Variants in AFF3 observed in about 807,000 individuals in gnomAD.
The protein encoded by AFF3 is AF4/FMR2 family member 3.
In AFF3, 32 loss-of-function variants were observed where a neutral mutation model predicts 129.7. That is an observed-to-expected ratio of 0.25 (90% CI 0.19 to 0.33). The LOEUF is 0.33. Among genes scored for constraint, AFF3 ranks in the 10% least tolerant of loss-of-function variants. The probability of loss-of-function intolerance (pLI) is 1.00; values close to 1 mark genes in which losing one functional copy is unlikely to be tolerated. For missense variants in AFF3, 1,373 were observed against 1,592.0 expected (o/e 0.86, Z 2.34); for synonymous variants, 644 against 635.4 (o/e 1.01, Z -0.20).
chr2:99,819,516 C>T (rs1388697384), intron 8 of AFF3, among the ~76,000 whole-genome samples: 2 of 152,184 alleles, frequency 1.3e-5, no homozygotes, highest in Non-Finnish European at 2.9e-5. Context: ...CCTTCAATCT[C>T]AGATTTACAA....
chr2:99,548,901 T>A lies in AFF3; in HGVS notation c.*2573A>T, dbSNP rs1674217509. On this transcript the variant is annotated 3_prime_UTR_variant, in exon 25 of 25. Coordinates refer to ENST00000672756, the MANE Select transcript of AFF3 (RefSeq NM_001386135.1). The stretch of plus-strand genomic sequence containing the variant: ...CTGCTGTACCAACGTGCTCCACACG[T>A]GCTCCACAGATGAAACAAGACAGTC... The A allele has an allele frequency of 4.3e-6, 1 of 232,578 alleles. No individual in the cohort carries two copies. 14.4% of individuals were successfully genotyped at this position (232,578 alleles called of 1,614,324 possible).
chr2:99,937,875 G>C (rs957935349), intron 7 of AFF3, among the ~76,000 whole-genome samples: 2 of 152,174 alleles, frequency 1.3e-5, no homozygotes, highest in Admixed American at 6.5e-5. Context: ...TAAGGAAAAG[G>C]TTATAAAAAC....
intron 13 of AFF3, among the ~76,000 whole-genome samples, chr2:99,607,767 T>A (rs1427816167): frequency 6.6e-6 from 1 of 152,224 alleles, no homozygotes; most frequent in Non-Finnish European, 1.5e-5. Flanking sequence ...ATTGACTGAA[T>A]AACAATGTTT....
chr2:99,767,876 C>T (rs1342013095), intron 8 of AFF3, among the ~76,000 whole-genome samples: 1 of 152,148 alleles, frequency 6.6e-6, no homozygotes, highest in Non-Finnish European at 1.5e-5. Context: ...ACCCGGGAGG[C>T]GGAGCTTGCA....
chr2:99,947,653 T>TAGAG (rs1432410613), intron 7 of AFF3, among the ~76,000 whole-genome samples: 1 of 123,192 alleles, frequency 8.1e-6, no homozygotes, highest in Non-Finnish European at 1.8e-5. Flanking sequence ...GATAGATAGA[T>TAGAG]AGACAGACAG....
intron 8 of AFF3, among the ~76,000 whole-genome samples, chr2:99,823,427 T>A (rs531469523): frequency 5.3e-5 from 8 of 152,304 alleles, no homozygotes; most frequent in African/African-American, 1.9e-4. Flanking sequence ...AATGTTAAGG[T>A]AATTAGCATA....
intron 7 of AFF3, among the ~76,000 whole-genome samples, chr2:99,977,982 G>A (rs566842746): frequency 2.0e-5 from 3 of 152,172 alleles, no homozygotes; most frequent in African/African-American, 4.8e-5. Context: ...GAAGAGCTCA[G>A]CTGAAACCTG....
In AFF3 at chr2:99,732,347, CAAAAAAA is replaced by C. The variant is rs35379808; in HGVS notation, c.1040-5226_1040-5220del. On this transcript the variant is annotated intron_variant, in intron 10 of 24. Coordinates refer to ENST00000672756, the MANE Select transcript of AFF3 (RefSeq NM_001386135.1). ...TGGGCAACAGAGCGAGACTCTGTCTCAAAAAAAAAAAAAAAAAGAATTGTGTGTTAAT... is the reference window on the plus strand; with the variant it reads ...TGGGCAACAGAGCGAGACTCTGTCTCAAAAAAAAAAGAATTGTGTGTTAAT... Among the ~76,000 whole-genome samples, 7 of 74,918 alleles carry C rather than the reference CAAAAAAA, an allele frequency of 9.3e-5. No homozygotes were observed. The East Asian group carries it at 3.4e-3, about 36-fold the overall frequency. 49.1% of individuals were successfully genotyped at this position (74,918 alleles called of 152,430 possible).
chr2:99,754,925 A>T (rs1472306827), intron 8 of AFF3, among the ~76,000 whole-genome samples: 1 of 152,216 alleles, frequency 6.6e-6, no homozygotes, highest in Non-Finnish European at 1.5e-5. Flanking sequence ...AAGTTAGGGT[A>T]TCGGCTCTGG....
intron 7 of AFF3, among the ~76,000 whole-genome samples, chr2:99,872,594 A>AAAATAAAATAAAAT (rs1558934372): frequency 8.6e-5 from 11 of 127,610 alleles, no homozygotes; most frequent in South Asian, 5.1e-4. Context: ...TGCTTCTTAC[A>AAAATAAAATAAAAT]AAAATAAAAT....
chr2:99,676,602 C>A (rs1687626389), intron 11 of AFF3, among the ~76,000 whole-genome samples: 1 of 152,196 alleles, frequency 6.6e-6, no homozygotes, highest in African/African-American at 2.4e-5. Flanking sequence ...CCAATATTCC[C>A]TTTTCCCTAG....
intron 13 of AFF3, among the ~76,000 whole-genome samples, chr2:99,612,042 G>A (rs1415517344): frequency 6.6e-6 from 1 of 152,146 alleles, no homozygotes; most frequent in Non-Finnish European, 1.5e-5. Context: ...GGAAACCTGG[G>A]GAAGTCACCA....
chr2:99,974,044 G>T (rs1368265943), intron 7 of AFF3, among the ~76,000 whole-genome samples: 1 of 152,174 alleles, frequency 6.6e-6, no homozygotes, highest in East Asian at 1.9e-4. Context: ...TTCTGAGCTG[G>T]AAAGGTAAGG....
chr2:99,672,505 T>G (rs747446620), intron 12 of AFF3, 33 bp downstream of exon 12: 1 of 1,603,582 alleles, frequency 6.2e-7, no homozygotes, highest in African/African-American at 1.3e-5. Flanking sequence ...CAGTGTCACC[T>G]CCAAAGGATG....
intron 4 of AFF3, among the ~76,000 whole-genome samples, chr2:100,014,051 AG>A (rs1198263907): frequency 1.3e-5 from 2 of 150,902 alleles, no homozygotes; most frequent in Non-Finnish European, 3.0e-5. Flanking sequence ...CCAGCCAGCC[AG>A]GGGGGGATGA....
intron 11 of AFF3, among the ~76,000 whole-genome samples, chr2:99,695,245 T>G (rs1473035420): frequency 6.6e-6 from 1 of 152,202 alleles, no homozygotes; most frequent in Non-Finnish European, 1.5e-5. Flanking sequence ...TGCCTGGTAG[T>G]TCCTGGAGTG....
intron 15 of AFF3, among the ~76,000 whole-genome samples, chr2:99,589,435 C>T (rs1247034418): frequency 3.9e-5 from 5 of 127,768 alleles, no homozygotes; most frequent in Non-Finnish European, 6.3e-5. Flanking sequence ...CAGAGTCTCA[C>T]TCTATTGCCA....
chr2:99,774,528 T>A (rs1451884141), intron 8 of AFF3, among the ~76,000 whole-genome samples: 1 of 152,116 alleles, frequency 6.6e-6, no homozygotes, highest in Non-Finnish European at 1.5e-5. Flanking sequence ...CTGAGAGAAC[T>A]GACTAGCGAT....
intron 7 of AFF3, among the ~76,000 whole-genome samples, chr2:99,956,147 G>GTTT (rs1676625251): frequency 6.7e-6 from 1 of 149,446 alleles, no homozygotes; most frequent in African/African-American, 2.5e-5. Context: ...CTGCAAAGAT[G>GTTT]CTTTAAAAAT....
Sources: allele counts gnomAD v4.1 joint callset (sites outside exome capture counted in the v4.1 genomes callset), GRCh38; gene constraint gnomAD v4.1.1; transcripts MANE v1.5; gene names NCBI Gene and HGNC (gene_info 2026-07-23, HGNC 2026-07-21).